Variants in DAPK1 observed in about 807,000 individuals in gnomAD.
The protein encoded by DAPK1 is death associated protein kinase 1.
A neutral mutation model predicts 144.9 loss-of-function variants in DAPK1; 56 were observed. That is an observed-to-expected ratio of 0.39 (90% CI 0.31 to 0.48). The LOEUF is 0.48. Among genes scored for constraint, DAPK1 ranks in the 20% least tolerant of loss-of-function variants. DAPK1 has a pLI of 0.95. For missense variants in DAPK1, 1,454 were observed against 1,875.4 expected, an observed-to-expected ratio of 0.78 and a Z score of 4.15; for synonymous variants, 690 against 749.0, an observed-to-expected ratio of 0.92 and a Z score of 1.29.
intron 2 of DAPK1, among the ~76,000 whole-genome samples, chr9:87,525,746 C>A (rs1825483764): frequency 6.6e-6 from 1 of 152,108 alleles, no homozygotes; most frequent in Non-Finnish European, 1.5e-5. Context: ...CCGCTCCCAG[C>A]TCCTCGCACC....
rs146546250 is a variant in DAPK1, at chr9:87,512,594, C to G, written c.62+13455C>G. Among the ~76,000 whole-genome samples the G allele has an allele frequency of 7.2e-3, 1,089 of 152,270 alleles. 9 individuals carry two copies. The highest frequency in any genetic ancestry group is 0.013 in the Non-Finnish European group (861 of 68,026). On this transcript the variant is annotated intron_variant, in intron 2 of 25. Coordinates refer to ENST00000408954, the MANE Select transcript of DAPK1 (RefSeq NM_004938.4). The stretch of plus-strand genomic sequence containing the variant: ...TACATGTCTAAGTACTCATTCTGTT[C>G]CCCTGGAGTGGGGTCCAGTTTGTTC...
At chr9:87,561,873 G>C (rs1826939115) in intron 2 of DAPK1, among the ~76,000 whole-genome samples, 1 of 152,180 alleles carries the variant, frequency 6.6e-6, no homozygotes, top group Non-Finnish European at 1.5e-5. Flanking sequence ...GTCAACCAGA[G>C]CTGCATCCAC....
intron 2 of DAPK1, among the ~76,000 whole-genome samples, chr9:87,555,116 G>A (rs1826655614): frequency 6.6e-6 from 1 of 152,198 alleles, no homozygotes; most frequent in Non-Finnish European, 1.5e-5. Flanking sequence ...GGCAGCCTCA[G>A]TATTATGACT....
At chr9:87,591,844 A>G (rs1828145153) in intron 2 of DAPK1, among the ~76,000 whole-genome samples, 1 of 152,250 alleles carries the variant, frequency 6.6e-6, no homozygotes, top group African/African-American at 2.4e-5. Context: ...TACCTCCACC[A>G]TGAAGCAATC....
intron 2 of DAPK1, among the ~76,000 whole-genome samples, chr9:87,520,742 T>C (rs776837904): frequency 1.3e-5 from 2 of 152,210 alleles, no homozygotes; most frequent in African/African-American, 2.4e-5. Flanking sequence ...CACTGGTGAA[T>C]TGAAATGTTT....
intron 2 of DAPK1, among the ~76,000 whole-genome samples, chr9:87,580,730 C>A (rs1294040432): frequency 6.6e-6 from 1 of 152,136 alleles, no homozygotes. Flanking sequence ...ATCGCTTTGG[C>A]CTTATGTGAT....
Position 87,686,539 on chromosome 9 carries a change from T to C in DAPK1, c.2225-12T>C. 1 of 1,504,354 alleles carries C rather than the reference T, an allele frequency of 6.6e-7. No homozygotes were observed. The highest frequency in any genetic ancestry group is 9.1e-7 in the Non-Finnish European group (1 of 1,102,496). 93.2% of individuals were successfully genotyped at this position (1,504,354 alleles called of 1,614,324 possible). A position where few individuals can be genotyped will look rare whatever the true frequency, so the allele number is the denominator to read the frequency against. On this transcript the variant is annotated splice_polypyrimidine_tract_variant and intron_variant, in intron 20 of 25. Transcript: ENST00000408954. This position sits in a 1 kb window ranked among gnomAD's most constrained non-coding sequence, Gnocchi z 4.2. ...CCCATCGAGTACTCATGTGATCCTTTCCATCCTGCAGTCTCAGTGAGCATC... is the reference window on the plus strand; with the variant it reads ...CCCATCGAGTACTCATGTGATCCTTCCCATCCTGCAGTCTCAGTGAGCATC...
chr9:87,706,718 GCAGCAC>G lies in DAPK1; in HGVS notation c.3650_3655del (p.Ser1217_Thr1218del). ...TGCTGCCTGCTGCTGGACTCGGTGT[GCAGCAC>G]CATTGAGAACGTCATGGCCACCACG... On this transcript the variant is annotated inframe_deletion, in exon 26 of 26. Coordinates refer to ENST00000408954, the MANE Select transcript of DAPK1 (RefSeq NM_004938.4). This position sits in a 1 kb window ranked among gnomAD's most constrained non-coding sequence, Gnocchi z 9.0. 6.2e-7 allele frequency: 1 copy of G among 1,612,246 alleles called. No homozygotes were observed. Among genetic ancestry groups the G allele is most frequent in the Non-Finnish European group, 8.5e-7 (1 of 1,178,980 alleles).
chr9:87,619,335 G>C (rs1349157578), intron 3 of DAPK1, among the ~76,000 whole-genome samples: 1 of 152,212 alleles, frequency 6.6e-6, no homozygotes, highest in Non-Finnish European at 1.5e-5. Context: ...GTATTTTACT[G>C]ATTTATTTTT....
At chr9:87,540,573 C>T (rs558645147) in intron 2 of DAPK1, among the ~76,000 whole-genome samples, 3 of 152,302 alleles carry the variant, frequency 2.0e-5, no homozygotes, top group African/African-American at 7.2e-5. Flanking sequence ...GTAGTAGATA[C>T]AGTGTTCAGT....
intron 2 of DAPK1, among the ~76,000 whole-genome samples, chr9:87,602,939 T>TCTC (rs1828580150): frequency 6.6e-6 from 1 of 151,958 alleles, no homozygotes; most frequent in African/African-American, 2.4e-5. Context: ...TCTCTCTCTC[T>TCTC]CTCTCTCTCA....
At chr9:87,637,167 C>T (rs986064782) in intron 3 of DAPK1, among the ~76,000 whole-genome samples, 5 of 152,112 alleles carry the variant, frequency 3.3e-5, no homozygotes, top group African/African-American at 4.8e-5. Flanking sequence ...AATCTTGGCT[C>T]ACTGCCACCT....
intron 3 of DAPK1, among the ~76,000 whole-genome samples, chr9:87,622,314 A>C (rs1440809858): frequency 1.3e-5 from 2 of 151,964 alleles, no homozygotes; most frequent in East Asian, 2.0e-4. Context: ...TAGGTGTGAC[A>C]ACCTCCTACA....
At chr9:87,607,899 C>T (rs371976705) in intron 3 of DAPK1, among the ~76,000 whole-genome samples, 308 of 152,250 alleles carry the variant, frequency 2.0e-3, no homozygotes, top group African/African-American at 7.1e-3. Context: ...AAAAGAGATT[C>T]AATTGACTCA....
chr9:87,701,720 ATTTTT>A (rs59185381), intron 24 of DAPK1: 232 of 244,902 alleles, frequency 9.5e-4, no homozygotes, highest in South Asian at 2.0e-3. Context: ...CTCTGGGTGT[ATTTTT>A]TTTTTTTTTT....
At chr9:87,658,448 G>A (rs1444878239) in intron 18 of DAPK1, among the ~76,000 whole-genome samples, 1 of 152,082 alleles carries the variant, frequency 6.6e-6, no homozygotes, top group East Asian at 1.9e-4. Flanking sequence ...CTTCCTAAAT[G>A]CTCCTCTGCC....
intron 2 of DAPK1, among the ~76,000 whole-genome samples, chr9:87,535,833 A>G (rs547898614): frequency 7.2e-5 from 11 of 152,296 alleles, no homozygotes; most frequent in African/African-American, 1.2e-4. Context: ...GTAAGAGGGG[A>G]AAAAAAGGTG....
intron 2 of DAPK1, among the ~76,000 whole-genome samples, chr9:87,539,135 G>A (rs1168759305): frequency 2.6e-5 from 4 of 151,380 alleles, no homozygotes; most frequent in East Asian, 3.9e-4. Flanking sequence ...ACATATGGAT[G>A]CTACATATAT....
intron 2 of DAPK1, among the ~76,000 whole-genome samples, chr9:87,577,635 T>C (rs1424219687): frequency 1.3e-5 from 2 of 152,050 alleles, no homozygotes; most frequent in African/African-American, 4.8e-5. Flanking sequence ...CCGTCTCTAC[T>C]AAAAATACAA....
Sources: allele counts gnomAD v4.1 joint callset (sites outside exome capture counted in the v4.1 genomes callset), GRCh38; gene constraint gnomAD v4.1.1; non-coding constraint Gnocchi (gnomAD v3.1); transcripts MANE v1.5; gene names NCBI Gene and HGNC (gene_info 2026-07-23, HGNC 2026-07-21).